DPYSL4: variants seen among roughly 807,000 people sequenced by gnomAD.
DPYSL4 encodes dihydropyrimidinase-related protein 4.
A neutral mutation model predicts 63.4 loss-of-function variants in DPYSL4; 43 were observed. That is an observed-to-expected ratio of 0.68 (90% CI 0.53 to 0.88). DPYSL4 has a LOEUF of 0.88. Among genes scored for constraint, DPYSL4 ranks in the 40% least tolerant of loss-of-function variants. The probability of loss-of-function intolerance (pLI) is 0.00; values close to 1 mark genes in which losing one functional copy is unlikely to be tolerated. For synonymous variants in DPYSL4, 353 were observed against 331.7 expected (o/e 1.06, Z -0.70); for missense variants, 733 against 819.5 (o/e 0.89, Z 1.29).
In DPYSL4 at chr10:132,190,632, C is replaced by T. The variant is rs759162414; in HGVS notation, c.40-115C>T. 87 of 948,982 alleles carry T rather than the reference C, an allele frequency of 9.2e-5. 1 individual carries two copies. Among genetic ancestry groups the T allele is most frequent in the Middle Eastern group, 4.5e-4 (2 of 4,458 alleles). The allele number at this position is 948,982 out of a possible 1,614,324, so 58.8% of individuals were successfully genotyped here. On this transcript the variant is annotated intron_variant, in intron 1 of 13. Transcript: ENST00000338492. ...CTGCAGGCTTTTGTGCTCGTTTTTACGTCTAGAAATTTTGCCTGAATGTTT... is the reference window on the plus strand; with the variant it reads ...CTGCAGGCTTTTGTGCTCGTTTTTATGTCTAGAAATTTTGCCTGAATGTTT...
Position 132,187,109 on chromosome 10 carries a change from C to A in DPYSL4, c.39+7C>A. 6.5e-7 allele frequency: 1 copy of A among 1,529,690 alleles called. No individual in the cohort carries two copies. The highest frequency in any genetic ancestry group is 8.8e-7 in the Non-Finnish European group (1 of 1,133,890). 94.8% of individuals were successfully genotyped at this position (1,529,690 alleles called of 1,614,324 possible). A position where few individuals can be genotyped will look rare whatever the true frequency, so the allele number is the denominator to read the frequency against. The stretch of plus-strand genomic sequence containing the variant: ...AAGCATCCCCCGGATCACGGTGAGC[C>A]CGGTCCCGCTTCGCCCGGCGCCCCC... On this transcript the variant is annotated splice_region_variant and intron_variant, in intron 1 of 13. Transcript: ENST00000338492.
At chr10:132,201,900 C>T (rs368121143) in intron 10 of DPYSL4, 46 bp from the exon 11 acceptor site, 16 of 1,580,628 alleles carry the variant, frequency 1.0e-5, no homozygotes, top group Admixed American at 1.7e-5. Context: ...GCAAGCCTCA[C>T]CCCAACCCCA....
chr10:132,191,406 A>G (rs111575759), intron 2 of DPYSL4, among the ~76,000 whole-genome samples: 2 of 108,578 alleles, frequency 1.8e-5, no homozygotes, highest in African/African-American at 3.3e-5. Context: ...GGCAGGTGCA[A>G]ATAGTTCCCA....
chr10:132,198,156 A>G (rs2814156), intron 6 of DPYSL4, among the ~76,000 whole-genome samples: 10,430 of 152,268 alleles, frequency 0.068, 481 homozygotes, highest in Middle Eastern at 0.12. Context: ...TCTTGGTGCC[A>G]TCAGTCAGGA....
intron 2 of DPYSL4, 94 bp downstream of exon 2, chr10:132,190,929 G>A (rs1001332811): frequency 1.2e-5 from 15 of 1,226,714 alleles, no homozygotes; most frequent in East Asian, 5.4e-5. Context: ...TTCCCAGCTC[G>A]TGTGTACACG....
chr10:132,203,153 G>A (rs1040309258), intron 12 of DPYSL4, among the ~76,000 whole-genome samples: 13 of 152,342 alleles, frequency 8.5e-5, no homozygotes, highest in African/African-American at 2.9e-4. Context: ...AGCTCCCCAC[G>A]GGAGCTGCCC....
Position 132,205,087 on chromosome 10 carries a change from G to A in DPYSL4, c.*157G>A, listed in dbSNP as rs1353302234. ...CCTCCCCACAGGCTCTCCTTGTGGG[G>A]TCCCAGGTCCTGCTGCCAAGAGCCC... is the stretch of plus-strand genomic sequence containing the variant. On this transcript the variant is annotated 3_prime_UTR_variant, in exon 14 of 14. Transcript: ENST00000338492. 9 of 518,104 alleles carry A rather than the reference G, an allele frequency of 1.7e-5. No homozygotes were observed. Among genetic ancestry groups the A allele is most frequent in the East Asian group, 3.3e-5 (1 of 30,490 alleles). 32.1% of individuals were successfully genotyped at this position (518,104 alleles called of 1,614,324 possible). A position where few individuals can be genotyped will look rare whatever the true frequency, so the allele number is the denominator to read the frequency against.
chr10:132,194,583 G>A (rs1184309075), intron 3 of DPYSL4, among the ~76,000 whole-genome samples: 1 of 150,276 alleles, frequency 6.7e-6, no homozygotes, highest in Admixed American at 6.6e-5. Flanking sequence ...ATGGTTTGGG[G>A]TGGGGCTTTT....
chr10:132,187,359 GGGCCCTGCCGGGCCCTGCCC>G (rs1439583374), intron 1 of DPYSL4, among the ~76,000 whole-genome samples: 28 of 28,660 alleles, frequency 9.8e-4, no homozygotes, highest in African/African-American at 2.9e-3. Context: ...CGGCCCTGCC[GGGCCCTGCCGGGCCCTGCCC>G]GGCCTTGCCC....
At chr10:132,193,523 A>G (rs895619872) in intron 3 of DPYSL4, among the ~76,000 whole-genome samples, 1 of 152,252 alleles carries the variant, frequency 6.6e-6, no homozygotes, top group Non-Finnish European at 1.5e-5. Flanking sequence ...CTCAGGAGGC[A>G]GGACGAGGCC....
intron 1 of DPYSL4, among the ~76,000 whole-genome samples, chr10:132,188,824 GTTA>G (rs2061836755): frequency 6.6e-6 from 1 of 152,204 alleles, no homozygotes; most frequent in South Asian, 2.1e-4. Flanking sequence ...ACATACTCTT[GTTA>G]TTGTTTTCAG....
In DPYSL4 at chr10:132,198,889, C is replaced by A; in HGVS notation, c.729C>A (p.Ala243=). The A allele has an allele frequency of 1.9e-6, 3 of 1,613,034 alleles. No individual in the cohort carries two copies. The highest frequency in any genetic ancestry group is 2.5e-6 in the Non-Finnish European group (3 of 1,179,936). The part of the protein sequence containing the change: ...AEAVYRAVTI[A]KQANCPLYVT... ...CGGTGTACCGAGCTGTCACCATCGC[C>A]AAGCAGGCAAACTGCCCGCTGTACG... Residue 243 remains alanine, a synonymous_variant, in exon 8 of 14, where the codon GCC becomes GCA. Coordinates refer to ENST00000338492, the MANE Select transcript of DPYSL4 (RefSeq NM_006426.3).
At chr10:132,188,782 C>T (rs1401572426) in intron 1 of DPYSL4, among the ~76,000 whole-genome samples, 1 of 152,226 alleles carries the variant, frequency 6.6e-6, no homozygotes, top group Non-Finnish European at 1.5e-5. Context: ...GTGGATGCTG[C>T]AGTGTGAACT....
intron 11 of DPYSL4, 30 bp downstream of exon 11, chr10:132,202,146 G>A: frequency 6.2e-7 from 1 of 1,600,114 alleles, no homozygotes; most frequent in Non-Finnish European, 8.5e-7. Flanking sequence ...AGTCAGGGTT[G>A]GCCTTTGTGG....
rs1166313834 is a variant in DPYSL4, at chr10:132,205,607, T to C, written c.*677T>C. The C allele has an allele frequency of 2.0e-5, 3 of 152,444 alleles. No homozygotes were observed. The highest frequency in any genetic ancestry group is 6.5e-5 in the Admixed American group (1 of 15,288). 9.4% of individuals were successfully genotyped at this position (152,444 alleles called of 1,614,324 possible). On this transcript the variant is annotated 3_prime_UTR_variant, in exon 14 of 14. Coordinates refer to ENST00000338492, the MANE Select transcript of DPYSL4 (RefSeq NM_006426.3). Reference sequence around the variant, plus strand: ...CCTTTAGGAAGACACTGTCCTCTTATTACAGATTGTGTATTTCCGTAGGCT... The same window carrying C: ...CCTTTAGGAAGACACTGTCCTCTTACTACAGATTGTGTATTTCCGTAGGCT...
At chr10:132,199,338 C>T (rs1026326472) in intron 8 of DPYSL4, among the ~76,000 whole-genome samples, 1 of 152,154 alleles carries the variant, frequency 6.6e-6, no homozygotes, top group Non-Finnish European at 1.5e-5. Flanking sequence ...TGTCCAGAGC[C>T]GGGGTGCTAC....
Position 132,201,985 on chromosome 10 carries a change from A to C in DPYSL4, c.1150A>C (p.Thr384Pro). ...KMDENEFVAVTSTNAAKIFNF... is the reference protein window; with the variant it reads ...KMDENEFVAVPSTNAAKIFNF... Reference sequence around the variant, plus strand: ...GGACGAGAATGAGTTCGTCGCGGTGACCAGTACAAATGCTGCCAAAATCTT... The same window carrying C: ...GGACGAGAATGAGTTCGTCGCGGTGCCCAGTACAAATGCTGCCAAAATCTT... The change falls in exon 11 of 14, where the codon ACC becomes CCC. Residue 384 changes from threonine to proline, a missense_variant. Coordinates refer to ENST00000338492, the MANE Select transcript of DPYSL4 (RefSeq NM_006426.3). 1 of 1,613,292 alleles carries C rather than the reference A, an allele frequency of 6.2e-7. No individual in the cohort carries two copies. Among genetic ancestry groups the C allele is most frequent in the Admixed American group, 1.7e-5 (1 of 60,016 alleles).
rs2061807807 is a variant in DPYSL4, at chr10:132,187,223, C to T, written c.39+121C>T. 5.8e-5 allele frequency: 37 copies of T among 641,720 alleles called. No individual in the cohort carries two copies. In the South Asian group the frequency reaches 7.8e-4, roughly 14 times the overall value. The allele number at this position is 641,720 out of a possible 1,614,324, so 39.8% of individuals were successfully genotyped here. A position where few individuals can be genotyped will look rare whatever the true frequency, so the allele number is the denominator to read the frequency against. ...GGGGTCCCTGCCTTTGCGTCTGGTCCCTGTCCTGGCGCCCGCCCTTCCCTG... is the reference window on the plus strand; with the variant it reads ...GGGGTCCCTGCCTTTGCGTCTGGTCTCTGTCCTGGCGCCCGCCCTTCCCTG... On this transcript the variant is annotated intron_variant, in intron 1 of 13. Coordinates refer to ENST00000338492, the MANE Select transcript of DPYSL4 (RefSeq NM_006426.3).
chr10:132,192,263 C>A, intron 2 of DPYSL4: 1 of 966,540 alleles, frequency 1.0e-6, no homozygotes, highest in Non-Finnish European at 1.2e-6. Flanking sequence ...CCAGCTTCCA[C>A]GTTTCTTTGT....
Sources: gnomAD v4.1 joint callset for allele counts (sites outside exome capture counted in the v4.1 genomes callset) on GRCh38, gnomAD v4.1.1 for gene constraint, MANE v1.5 for transcripts, NCBI Gene and HGNC (gene_info 2026-07-23, HGNC 2026-07-21) for gene names.